DGKI: variants seen among roughly 807,000 people sequenced by gnomAD.
The protein encoded by DGKI is DAG kinase iota.
Under a neutral mutation model 147.5 loss-of-function variants are expected in DGKI, and 55 were observed. The ratio of observed to expected loss-of-function variants is 0.37; its 90% confidence interval spans 0.30 to 0.47. DGKI has a LOEUF of 0.47. Among genes scored for constraint, DGKI ranks in the 20% least tolerant of loss-of-function variants. The pLI, the probability that DGKI is intolerant of heterozygous loss-of-function variation, is 1.00. For missense variants in DGKI, 1,007 were observed against 1,323.8 expected, an observed-to-expected ratio of 0.76 and a Z score of 3.71; for synonymous variants, 469 against 477.1, an observed-to-expected ratio of 0.98 and a Z score of 0.22.
intron 1 of DGKI, among the ~76,000 whole-genome samples, chr7:137,741,968 A>G (rs1254181415): frequency 6.6e-6 from 1 of 152,182 alleles, no homozygotes; most frequent in African/African-American, 2.4e-5. Flanking sequence ...TCAAAAATGT[A>G]TATTAGCCTT....
At chr7:137,717,034 T>C (rs1175446411) in intron 1 of DGKI, among the ~76,000 whole-genome samples, 2 of 152,236 alleles carry the variant, frequency 1.3e-5, no homozygotes, top group African/African-American at 4.8e-5. Flanking sequence ...TTGTACTATA[T>C]GGTAAACTTG....
At chr7:137,531,886 A>G (rs1414251762) in intron 20 of DGKI, among the ~76,000 whole-genome samples, 2 of 152,204 alleles carry the variant, frequency 1.3e-5, no homozygotes, top group African/African-American at 2.4e-5. Context: ...CTACTGGTAT[A>G]GTTGCTAACC....
At chr7:137,671,151 T>G (rs139394051) in intron 3 of DGKI, among the ~76,000 whole-genome samples, 11 of 152,154 alleles carry the variant, frequency 7.2e-5, no homozygotes, top group Non-Finnish European at 1.6e-4. Flanking sequence ...TTCCTTCAAA[T>G]AGGGCAGAAA....
At chr7:137,453,571 C>G (rs1237862037) in intron 27 of DGKI, among the ~76,000 whole-genome samples, 2 of 152,150 alleles carry the variant, frequency 1.3e-5, no homozygotes, top group Non-Finnish European at 2.9e-5. Context: ...ATGAAAGTTA[C>G]AGCAAACACA....
At chr7:137,462,867 C>G (rs34366399) in intron 27 of DGKI, among the ~76,000 whole-genome samples, 24,688 of 152,104 alleles carry the variant, frequency 0.16, 4,278 homozygotes, top group African/African-American at 0.44. Flanking sequence ...ACAAAGGTAT[C>G]GACACTGCTG....
intron 28 of DGKI, among the ~76,000 whole-genome samples, chr7:137,433,802 C>A (rs1299108105): frequency 1.3e-5 from 2 of 152,088 alleles, no homozygotes; most frequent in East Asian, 3.9e-4. Flanking sequence ...GTCTGATGGC[C>A]CCTTCTCATC....
chr7:137,553,587 T>C (rs891980347), intron 19 of DGKI, among the ~76,000 whole-genome samples: 8 of 152,186 alleles, frequency 5.3e-5, no homozygotes, highest in African/African-American at 1.7e-4. Context: ...TTTATCCTTC[T>C]AGGAAATAAA....
rs151317641 is a variant in DGKI, at chr7:137,540,217, C to T, written c.2147+12152G>A. On this transcript the variant is annotated intron_variant, in intron 20 of 32. Transcript: ENST00000614521. ...CAGATATGCTGACAAAACACTTCAACAAAAATTCTACAACTAATAATCAAT... is the reference window on the plus strand; with the variant it reads ...CAGATATGCTGACAAAACACTTCAATAAAAATTCTACAACTAATAATCAAT... Among the ~76,000 whole-genome samples, 860 of 152,166 alleles carry T rather than the reference C, an allele frequency of 5.7e-3. 2 individuals carry two copies. The highest frequency in any genetic ancestry group is 8.7e-3 in the Non-Finnish European group (588 of 67,976).
intron 28 of DGKI, among the ~76,000 whole-genome samples, chr7:137,421,467 G>T (rs1436895492): frequency 6.6e-6 from 1 of 152,192 alleles, no homozygotes; most frequent in Non-Finnish European, 1.5e-5. Flanking sequence ...GCATGGAAGA[G>T]ATTTCTGTTT....
chr7:137,802,549 G>C (rs1201497061), intron 1 of DGKI, among the ~76,000 whole-genome samples: 1 of 152,098 alleles, frequency 6.6e-6, no homozygotes, highest in Non-Finnish European at 1.5e-5. Flanking sequence ...CAATTGTAAT[G>C]TCATAAATAG....
intron 1 of DGKI, among the ~76,000 whole-genome samples, chr7:137,694,181 C>T (rs1823706562): frequency 2.0e-5 from 3 of 152,054 alleles, no homozygotes; most frequent in Middle Eastern, 3.4e-3. Flanking sequence ...ATTAGCCGGG[C>T]GAGGTGGCGG....
chr7:137,711,940 C>A lies in DGKI; in HGVS notation c.402-21938G>T, dbSNP rs201130981. Among the ~76,000 whole-genome samples, 51 of 151,992 alleles carry A rather than the reference C, an allele frequency of 3.4e-4. No individual in the cohort carries two copies. The East Asian group carries it at 9.3e-3, about 28-fold the overall frequency. ...ATCTCTTGATCTCGTGATCCGCCCA[C>A]CTCTGCCTCCCAAAGTGCTGGGGAT... On this transcript the variant is annotated intron_variant, in intron 1 of 32. Transcript: ENST00000614521.
intron 27 of DGKI, among the ~76,000 whole-genome samples, chr7:137,456,003 C>G (rs572557877): frequency 6.6e-6 from 1 of 152,110 alleles, no homozygotes; most frequent in Non-Finnish European, 1.5e-5. Flanking sequence ...ACTGAGAAAA[C>G]AAGAGTGTTG....
intron 1 of DGKI, among the ~76,000 whole-genome samples, chr7:137,806,566 TG>T (rs1229133589): frequency 1.3e-5 from 2 of 152,284 alleles, no homozygotes; most frequent in Middle Eastern, 3.4e-3. Flanking sequence ...CCTGAGTACC[TG>T]GGAGTACAGG....
At chr7:137,780,837 G>T (rs562841331) in intron 1 of DGKI, among the ~76,000 whole-genome samples, 3 of 152,316 alleles carry the variant, frequency 2.0e-5, no homozygotes, top group Middle Eastern at 6.8e-3. Flanking sequence ...GTTTTGGAGG[G>T]ATTGTTCAAG....
chr7:137,470,326 C>G (rs975484890), intron 23 of DGKI, among the ~76,000 whole-genome samples: 2 of 152,176 alleles, frequency 1.3e-5, no homozygotes, highest in Non-Finnish European at 2.9e-5. Flanking sequence ...AACATCAAGT[C>G]TGCCTGACAT....
chr7:137,760,584 TGACAGCAACAA>T (rs1336716209), intron 1 of DGKI, among the ~76,000 whole-genome samples: 4 of 152,050 alleles, frequency 2.6e-5, no homozygotes, highest in Non-Finnish European at 5.9e-5. Context: ...GCACCACTCA[TGACAGCAACAA>T]GCAGTGATTG....
intron 1 of DGKI, among the ~76,000 whole-genome samples, chr7:137,794,441 T>C (rs77825276): frequency 6.6e-6 from 1 of 152,258 alleles, no homozygotes; most frequent in Admixed American, 6.5e-5. Context: ...TAGATGAAGC[T>C]AGCAAATTGC....
intron 3 of DGKI, among the ~76,000 whole-genome samples, chr7:137,662,209 G>A (rs528235759): frequency 1.3e-5 from 2 of 151,524 alleles, no homozygotes; most frequent in East Asian, 1.9e-4. Context: ...GACAAGCCAG[G>A]AGGGTGGCCG....
Sources: allele counts gnomAD v4.1 joint callset (sites outside exome capture counted in the v4.1 genomes callset), GRCh38; gene constraint gnomAD v4.1.1; transcripts MANE v1.5; gene names NCBI Gene and HGNC (gene_info 2026-07-23, HGNC 2026-07-21).